The following RAB11FIP4 variants were observed in gnomAD, a reference collection of about 807,000 sequenced individuals.
The protein encoded by RAB11FIP4 is rab11 family-interacting protein 4.
RAB11FIP4 carries 23 observed loss-of-function variants against 74.3 expected under a neutral mutation model. The ratio of observed to expected loss-of-function variants is 0.31; its 90% CI spans 0.22 to 0.44. RAB11FIP4 has a LOEUF of 0.44. RAB11FIP4 is among the 20% of genes least tolerant of loss of function. The pLI is 1.00. For missense variants in RAB11FIP4, 630 were observed against 863.9 expected, an observed-to-expected ratio of 0.73 and a Z score of 3.39; for synonymous variants, 360 against 359.9, an observed-to-expected ratio of 1.00 and a Z score of 0.00.
chr17:31,410,730 G>A (rs1447788492), intron 1 of RAB11FIP4, among the ~76,000 whole-genome samples: 2 of 152,136 alleles, frequency 1.3e-5, no homozygotes, highest in East Asian at 3.9e-4. Context: ...TGTTGCTGCT[G>A]GGAATATTCC....
intron 3 of RAB11FIP4, among the ~76,000 whole-genome samples, chr17:31,450,841 C>T (rs1364825399): frequency 6.7e-6 from 1 of 148,790 alleles, no homozygotes; most frequent in Non-Finnish European, 1.5e-5. Flanking sequence ...AGGCTACACC[C>T]TTTGATCTGA....
At chr17:31,451,878 C>T (rs1567660580) in intron 3 of RAB11FIP4, among the ~76,000 whole-genome samples, 1 of 151,820 alleles carries the variant, frequency 6.6e-6, no homozygotes, top group Non-Finnish European at 1.5e-5. Flanking sequence ...TGAGTATGCA[C>T]CACTGTTAGC....
chr17:31,464,596 C>T (rs1039005335), intron 3 of RAB11FIP4, among the ~76,000 whole-genome samples: 2 of 151,874 alleles, frequency 1.3e-5, no homozygotes, highest in Non-Finnish European at 2.9e-5. Context: ...GGATTACAGG[C>T]GCCCACCACC....
At chr17:31,464,101 G>C (rs1318984596) in intron 3 of RAB11FIP4, among the ~76,000 whole-genome samples, 3 of 151,850 alleles carry the variant, frequency 2.0e-5, no homozygotes, top group Admixed American at 2.0e-4. Flanking sequence ...GGCGTGAGCC[G>C]CCGGGCCCAG....
chr17:31,464,094 G>A (rs879735620), intron 3 of RAB11FIP4, among the ~76,000 whole-genome samples: 8 of 151,922 alleles, frequency 5.3e-5, no homozygotes, highest in African/African-American at 1.5e-4. Context: ...GATTATAGGC[G>A]TGAGCCGCCG....
chr17:31,410,399 G>A (rs528074549), intron 1 of RAB11FIP4, among the ~76,000 whole-genome samples: 1 of 152,276 alleles, frequency 6.6e-6, no homozygotes, highest in South Asian at 2.1e-4. Context: ...AATTGAAAAG[G>A]TGGTATTGCA....
chr17:31,454,128 T>A (rs530554733), intron 3 of RAB11FIP4, among the ~76,000 whole-genome samples: 1 of 152,222 alleles, frequency 6.6e-6, no homozygotes, highest in African/African-American at 2.4e-5. Flanking sequence ...CCTGATCACA[T>A]GAAAACCACA....
intron 1 of RAB11FIP4, among the ~76,000 whole-genome samples, chr17:31,406,525 C>T (rs562965058): frequency 1.3e-5 from 2 of 152,248 alleles, no homozygotes; most frequent in African/African-American, 4.8e-5. Context: ...TTCTGCACGA[C>T]CCCATCAGCA....
Position 31,392,031 on chromosome 17 carries a change from G to T in RAB11FIP4, c.159+20G>T. On this transcript the variant is annotated intron_variant, in intron 1 of 14. Transcript: ENST00000621161. ...GAGGAGGTAAGCTGGCCCGACCCCA[G>T]TCCCGGCCCGGGGACCCCAGCCCAG... 2 of 1,271,580 alleles carry T rather than the reference G, an allele frequency of 1.6e-6. No individual in the cohort carries two copies. Among genetic ancestry groups the T allele is most frequent in the Non-Finnish European group, 2.0e-6 (2 of 1,007,804 alleles). 78.8% of individuals were successfully genotyped at this position (1,271,580 alleles called of 1,614,324 possible). A position where few individuals can be genotyped will look rare whatever the true frequency, so the allele number is the denominator to read the frequency against.
intron 3 of RAB11FIP4, among the ~76,000 whole-genome samples, chr17:31,437,316 C>T (rs2071368628): frequency 1.3e-5 from 2 of 152,200 alleles, no homozygotes; most frequent in South Asian, 4.1e-4. Flanking sequence ...TGAATGAGTC[C>T]TCTTCCTGGC....
At chr17:31,418,788 A>C (rs1278846872) in intron 1 of RAB11FIP4, among the ~76,000 whole-genome samples, 2 of 152,190 alleles carry the variant, frequency 1.3e-5, no homozygotes, top group African/African-American at 4.8e-5. Context: ...ATTTTTAAAG[A>C]AAAATTTTAA....
chr17:31,513,399 A>G (rs573455702), intron 3 of RAB11FIP4, among the ~76,000 whole-genome samples: 1 of 152,344 alleles, frequency 6.6e-6, no homozygotes, highest in South Asian at 2.1e-4. Flanking sequence ...TGGTGGCTCA[A>G]GGAGAGAGAA....
intron 3 of RAB11FIP4, among the ~76,000 whole-genome samples, chr17:31,461,304 C>CAAAG (rs1425107753): frequency 6.6e-6 from 1 of 152,186 alleles, no homozygotes; most frequent in East Asian, 1.9e-4. Context: ...ATCCACCCTA[C>CAAAG]AAAGCCCTCA....
At chr17:31,498,714 A>G (rs2072162672) in intron 3 of RAB11FIP4, among the ~76,000 whole-genome samples, 1 of 152,160 alleles carries the variant, frequency 6.6e-6, no homozygotes, top group Non-Finnish European at 1.5e-5. Context: ...CTTGAGTTGG[A>G]TAGTGGCCTC....
intron 3 of RAB11FIP4, among the ~76,000 whole-genome samples, chr17:31,445,564 ATATATATATATATATTTT>A (rs2071450188): frequency 2.5e-3 from 33 of 13,118 alleles, no homozygotes; most frequent in South Asian, 5.6e-3. Context: ...ATATATATAT[ATATATATATATATATTTT>A]TTTTTTTTTT....
At chr17:31,464,067 T>A (rs1232603674) in intron 3 of RAB11FIP4, among the ~76,000 whole-genome samples, 2 of 151,860 alleles carry the variant, frequency 1.3e-5, no homozygotes, top group African/African-American at 2.4e-5. Context: ...GCCCACCCCA[T>A]TCTCCCAAAG....
At chr17:31,520,001 C>T (rs1174968053) in intron 4 of RAB11FIP4, among the ~76,000 whole-genome samples, 1 of 150,132 alleles carries the variant, frequency 6.7e-6, no homozygotes, top group Non-Finnish European at 1.5e-5. Flanking sequence ...CTCGCAGCTA[C>T]TCAGGAGGCT....
chr17:31,421,113 C>A (rs1367922853), intron 1 of RAB11FIP4, among the ~76,000 whole-genome samples: 1 of 152,178 alleles, frequency 6.6e-6, no homozygotes, highest in Non-Finnish European at 1.5e-5. Context: ...AAAGATACTT[C>A]ATCTTTGACT....
chr17:31,456,999 C>CGGG (rs1354282530), intron 3 of RAB11FIP4, among the ~76,000 whole-genome samples: 4 of 151,922 alleles, frequency 2.6e-5, no homozygotes, highest in Non-Finnish European at 5.9e-5. Context: ...AGAACTGGTG[C>CGGG]GGGGAGGTAG....
Sources: allele counts gnomAD v4.1 joint callset (sites outside exome capture counted in the v4.1 genomes callset), GRCh38; gene constraint gnomAD v4.1.1; transcripts MANE v1.5; gene names NCBI Gene and HGNC (gene_info 2026-07-23, HGNC 2026-07-21).